The following WHRN variants were observed in gnomAD, a reference collection of about 807,000 sequenced individuals.
WHRN encodes the protein CASK-interacting protein CIP98.
A neutral mutation model predicts 68.3 loss-of-function variants in WHRN; 41 were observed. That is an observed-to-expected ratio of 0.60 (90% CI 0.47 to 0.78). WHRN has a LOEUF of 0.78. Ranked by LOEUF, WHRN falls within the 30% of genes least tolerant of loss-of-function variation. The pLI is 0.00. For missense variants in WHRN, 1,243 were observed against 1,244.7 expected, an observed-to-expected ratio of 1.00 and a Z score of 0.02; for synonymous variants, 560 against 561.3, an observed-to-expected ratio of 1.00 and a Z score of 0.03.
chr9:114,439,046 GAAGA>G (rs1838140157), intron 3 of WHRN, among the ~76,000 whole-genome samples: 1 of 151,072 alleles, frequency 6.6e-6, no homozygotes, highest in Non-Finnish European at 1.5e-5. Context: ...ATCTTTTATA[GAAGA>G]AAGAAAGCAT....
intron 2 of WHRN, among the ~76,000 whole-genome samples, chr9:114,466,820 G>A (rs1321519656): frequency 6.6e-6 from 1 of 152,060 alleles, no homozygotes; most frequent in African/African-American, 2.4e-5. Flanking sequence ...TAGGATCAAG[G>A]CTCAGGCCAG....
intron 3 of WHRN, among the ~76,000 whole-genome samples, chr9:114,439,205 T>G (rs1032116343): frequency 3.3e-5 from 5 of 152,236 alleles, no homozygotes; most frequent in Non-Finnish European, 5.9e-5. Flanking sequence ...ATAGTTTTGA[T>G]GTTTTAGTAC....
chr9:114,455,839 A>T (rs1422548477), intron 3 of WHRN, among the ~76,000 whole-genome samples: 1 of 152,206 alleles, frequency 6.6e-6, no homozygotes, highest in Non-Finnish European at 1.5e-5. Context: ...AATATTGTAA[A>T]TCAAAAATGC....
chr9:114,410,554 C>T (rs1030435451), intron 7 of WHRN, among the ~76,000 whole-genome samples: 10 of 152,188 alleles, frequency 6.6e-5, no homozygotes, highest in Non-Finnish European at 1.2e-4. Flanking sequence ...CGCCATACCC[C>T]TAAGACAGAG....
At chr9:114,503,285 A>ATG (rs1844092127) in intron 1 of WHRN, 1 of 803,318 alleles carries the variant, frequency 1.2e-6, no homozygotes. Flanking sequence ...GAAGCAGAGC[A>ATG]TGTGTCCCTT....
intron 1 of WHRN, among the ~76,000 whole-genome samples, chr9:114,502,250 A>G (rs1050920413): frequency 2.0e-5 from 3 of 152,336 alleles, no homozygotes; most frequent in African/African-American, 7.2e-5. Flanking sequence ...GGAAAATGAC[A>G]GTCAAGAGAC....
In WHRN at chr9:114,406,375, C is replaced by T. The variant is rs1200971775; in HGVS notation, c.2216G>A (p.Arg739Lys). 2 of 1,614,124 alleles carry T rather than the reference C, an allele frequency of 1.2e-6. No homozygotes were observed. The highest frequency in any genetic ancestry group is 1.7e-5 in the Admixed American group (1 of 60,032). ...PDSEPDVNEVRALPQTRTAST... is the reference protein window; with the variant it reads ...PDSEPDVNEVKALPQTRTAST... ...CTCACTGCGCGTCTGGGGCAGCGCC[C>T]TCACTTCATTGACGTCTGGCTCGCT... Residue 739 changes from arginine to lysine, a missense_variant, in exon 9 of 12, where the codon AGG (arginine) becomes AAG (lysine). Arg to Lys is a conservative substitution (Grantham distance 26). Coordinates refer to ENST00000362057, the MANE Select transcript of WHRN (RefSeq NM_015404.4).
intron 3 of WHRN, among the ~76,000 whole-genome samples, chr9:114,463,604 T>C (rs771772909): frequency 6.6e-6 from 1 of 152,196 alleles, no homozygotes; most frequent in Non-Finnish European, 1.5e-5. Context: ...ATACCACGGT[T>C]ATACATGATG....
At position 114,428,453 on chromosome 9, in the gene WHRN, C is replaced by G. The variant is rs552246307; in HGVS notation, c.964-2040G>C. 1.8e-4 allele frequency among the ~76,000 whole-genome samples: 28 copies of G among 152,312 alleles called. No homozygotes were observed. In the South Asian group the frequency reaches 2.9e-3, roughly 16 times the overall value. On this transcript the variant is annotated intron_variant, in intron 3 of 11. Transcript: ENST00000362057. ...TTCTTTGTCCCTTTATATGTTTTCT[C>G]CTTAATATCACCAACATCCTATAAA...
chr9:114,459,623 G>A (rs1193600413), intron 3 of WHRN, among the ~76,000 whole-genome samples: 1 of 152,210 alleles, frequency 6.6e-6, no homozygotes, highest in Non-Finnish European at 1.5e-5. Context: ...AGTACGTGGA[G>A]GGAGCAGCCC....
chr9:114,407,370 G>A (rs1434392209), intron 8 of WHRN, among the ~76,000 whole-genome samples: 2 of 152,140 alleles, frequency 1.3e-5, no homozygotes, highest in Non-Finnish European at 2.9e-5. Flanking sequence ...CTCTCTGAGT[G>A]CACCTCTGGG....
intron 7 of WHRN, among the ~76,000 whole-genome samples, chr9:114,422,492 T>C (rs145253447): frequency 6.6e-6 from 1 of 152,236 alleles, no homozygotes; most frequent in Non-Finnish European, 1.5e-5. Context: ...CAGAACCATA[T>C]CTTGAGATGG....
chr9:114,434,473 T>C (rs371305044), intron 3 of WHRN, among the ~76,000 whole-genome samples: 5 of 152,300 alleles, frequency 3.3e-5, no homozygotes, highest in African/African-American at 9.6e-5. Context: ...ATGTGACTAA[T>C]GGCCACCATC....
Position 114,504,916 on chromosome 9 carries a change from GCCTGGGTT to G in WHRN, c.-123_-116del. ...CGGGAGCGCGGAGACGACGGCTGGAGCCTGGGTTTGGGGAGCACGGGTACAGTGGCTGG... is the reference window on the plus strand; with the variant it reads ...CGGGAGCGCGGAGACGACGGCTGGAGTGGGGAGCACGGGTACAGTGGCTGG... On this transcript the variant is annotated 5_prime_UTR_variant, in exon 1 of 12. Transcript: ENST00000362057. The G allele has an allele frequency of 7.6e-7, 1 of 1,313,444 alleles. No homozygotes were observed. Among genetic ancestry groups the G allele is most frequent in the African/African-American group, 1.6e-5 (1 of 64,262 alleles). The allele number at this position is 1,313,444 out of a possible 1,614,324, so 81.4% of individuals were successfully genotyped here. A position where few individuals can be genotyped will look rare whatever the true frequency, so the allele number is the denominator to read the frequency against.
chr9:114,505,191 T>G lies in WHRN; in HGVS notation c.-390A>C. 2 of 189,878 alleles carry G rather than the reference T, an allele frequency of 1.1e-5. No homozygotes were observed. The highest frequency in any genetic ancestry group is 1.1e-5 in the Non-Finnish European group (1 of 94,164). 11.8% of individuals were successfully genotyped at this position (189,878 alleles called of 1,614,324 possible). On this transcript the variant is annotated 5_prime_UTR_variant, in exon 1 of 12. Coordinates refer to ENST00000362057, the MANE Select transcript of WHRN (RefSeq NM_015404.4). ...CTGGAGTTTGGGGGCGCCGCAAAGCTGACCTGACTGCCCCGTCACACCATG... is the reference window on the plus strand; with the variant it reads ...CTGGAGTTTGGGGGCGCCGCAAAGCGGACCTGACTGCCCCGTCACACCATG...
chr9:114,466,536 C>T (rs771238382), intron 2 of WHRN, 144 bp from the exon 3 acceptor site: 1 of 1,196,624 alleles, frequency 8.4e-7, no homozygotes, highest in Non-Finnish European at 1.2e-6. Flanking sequence ...TGGAAGATAC[C>T]CTAGAACATT....
At chr9:114,483,678 C>G (rs1306547845) in intron 1 of WHRN, among the ~76,000 whole-genome samples, 1 of 152,176 alleles carries the variant, frequency 6.6e-6, no homozygotes, top group African/African-American at 2.4e-5. Flanking sequence ...AGACAGAGAC[C>G]CAGCAGGTCC....
intron 3 of WHRN, among the ~76,000 whole-genome samples, chr9:114,427,067 C>T (rs1836939311): frequency 6.6e-6 from 1 of 152,088 alleles, no homozygotes; most frequent in Admixed American, 6.5e-5. Flanking sequence ...TAGTTGCAGA[C>T]CAGCCTGGGC....
chr9:114,483,793 C>A (rs971059646), intron 1 of WHRN, among the ~76,000 whole-genome samples: 1 of 152,226 alleles, frequency 6.6e-6, no homozygotes, highest in Non-Finnish European at 1.5e-5. Flanking sequence ...TTGCTAAGAT[C>A]CTGTCCCAAG....
Sources: allele counts gnomAD v4.1 joint callset (sites outside exome capture counted in the v4.1 genomes callset), GRCh38; gene constraint gnomAD v4.1.1; transcripts MANE v1.5; gene names NCBI Gene and HGNC (gene_info 2026-07-23, HGNC 2026-07-21).